The following ANKMY1 variants were observed in gnomAD, a reference collection of about 807,000 sequenced individuals.
ANKMY1 encodes the protein ankyrin repeat and MYND domain containing 1.
Under a neutral mutation model 102.0 loss-of-function variants are expected in ANKMY1, and 98 were observed. The observed-to-expected ratio is 0.96, with a 90% confidence interval of 0.82 to 1.14. ANKMY1 has a LOEUF of 1.14. Among genes scored for constraint, ANKMY1 ranks in the 50% most tolerant of loss-of-function variants. The pLI, the probability that ANKMY1 is intolerant of heterozygous loss-of-function variation, is 0.00. For missense variants in ANKMY1, 1,330 were observed against 1,347.6 expected, an observed-to-expected ratio of 0.99 and a Z score of 0.20; for synonymous variants, 582 against 559.9, an observed-to-expected ratio of 1.04 and a Z score of -0.56.
intron 4 of ANKMY1, among the ~76,000 whole-genome samples, chr2:240,539,729 G>C (rs2088114561): frequency 6.6e-6 from 1 of 152,220 alleles, no homozygotes; most frequent in East Asian, 1.9e-4. Context: ...GATGCTAAGT[G>C]TCAGATGCCA....
the ANKMY1 span, among the ~76,000 whole-genome samples, chr2:240,470,706 A>C: frequency 1.3e-5 from 2 of 152,312 alleles, no homozygotes; most frequent in African/African-American, 4.8e-5. Flanking sequence ...GAATTAAAAG[A>C]AACAGGAGGA....
chr2:240,509,752 G>A (rs2079774497), intron 11 of ANKMY1, among the ~76,000 whole-genome samples: 2 of 152,120 alleles, frequency 1.3e-5, no homozygotes, highest in Admixed American at 1.3e-4. Flanking sequence ...TGTTTTCAGA[G>A]GACAAGGGAC....
Position 240,520,433 on chromosome 2 carries a change from C to T in ANKMY1, c.1933G>A (p.Ala645Thr). 1 of 1,612,374 alleles carries T rather than the reference C, an allele frequency of 6.2e-7. No homozygotes were observed. The highest frequency in any genetic ancestry group is 8.5e-7 in the Non-Finnish European group (1 of 1,179,362). ...AGCCTCACCCCATCCACGTCCCCGG[C>T]CTTCACAGCAAGGAACAGGACCTGC... is the stretch of plus-strand genomic sequence containing the variant. The part of the protein sequence containing the change: ...PMQVLFLAVK[A>T]GDVDGVRLLL... The change falls in exon 9 of 18, where the codon GCC becomes ACC. Residue 645 changes from alanine to threonine, a missense_variant. Ala to Thr is a moderately conservative substitution (Grantham distance 58). Transcript: ENST00000401804. The surrounding 1 kb of genome is among the most constrained non-coding windows in gnomAD (Gnocchi z 4.8).
At position 240,499,922 on chromosome 2, in the gene ANKMY1, C is replaced by T. The variant is rs1249086214; in HGVS notation, c.2806+36G>A. On this transcript the variant is annotated intron_variant, in intron 15 of 17. Coordinates refer to ENST00000401804, the MANE Select transcript of ANKMY1 (RefSeq NM_001282771.3). The surrounding 1 kb of genome is among the most constrained non-coding windows in gnomAD (Gnocchi z 4.2). ...CCCAGGCACGAGGCCGGAACGCCGC[C>T]CTGTGGAGCAGAGCAGAGCAGGGCC... The T allele has an allele frequency of 3.2e-6, 5 of 1,579,214 alleles. No homozygotes were observed. Among genetic ancestry groups the T allele is most frequent in the Admixed American group, 1.7e-5 (1 of 57,602 alleles).
intron 13 of ANKMY1, among the ~76,000 whole-genome samples, chr2:240,500,917 C>T (rs2078069611): frequency 1.3e-5 from 2 of 152,256 alleles, no homozygotes; most frequent in Non-Finnish European, 2.9e-5. Flanking sequence ...ATGAGGCAGA[C>T]ACCGGGCAGC....
chr2:240,534,446 A>G (rs559016806), intron 4 of ANKMY1, among the ~76,000 whole-genome samples: 1 of 152,122 alleles, frequency 6.6e-6, no homozygotes, highest in African/African-American at 2.4e-5. Context: ...TACAAAACAT[A>G]AAAGAATTAA....
chr2:240,543,309 T>C (rs1055449732), intron 4 of ANKMY1, among the ~76,000 whole-genome samples: 3 of 150,574 alleles, frequency 2.0e-5, no homozygotes, highest in African/African-American at 7.3e-5. Context: ...GCCGAGACCG[T>C]ACCACTGCAC....
At chr2:240,532,524 G>T (rs2085675401) in intron 4 of ANKMY1, among the ~76,000 whole-genome samples, 1 of 152,144 alleles carries the variant, frequency 6.6e-6, no homozygotes, top group African/African-American at 2.4e-5. Flanking sequence ...AACACAAGAA[G>T]GAGTAAGGGC....
At chr2:240,481,797 C>T (rs2075424464) in intron 16 of ANKMY1, among the ~76,000 whole-genome samples, 1 of 152,186 alleles carries the variant, frequency 6.6e-6, no homozygotes, top group African/African-American at 2.4e-5. Context: ...GCCGCATAGC[C>T]AGCAGGCCAG....
rs1040384588 is a variant in ANKMY1, at chr2:240,520,044, C to A, written c.2004+318G>T. 9.0e-6 allele frequency: 5 copies of A among 558,628 alleles called. No individual in the cohort carries two copies. In the Admixed American group the frequency reaches 1.1e-4, roughly 12 times the overall value. 34.6% of individuals were successfully genotyped at this position (558,628 alleles called of 1,614,324 possible). On this transcript the variant is annotated intron_variant, in intron 9 of 17. Coordinates refer to ENST00000401804, the MANE Select transcript of ANKMY1 (RefSeq NM_001282771.3). This position sits in a 1 kb window ranked among gnomAD's most constrained non-coding sequence, Gnocchi z 4.8. ...TGGGTTGAAAGGAGGCCCGCCTCCT[C>A]CTGAATATAAGTCTCCCCTTTCCAA... is the stretch of plus-strand genomic sequence containing the variant.
rs551710478 is a variant in ANKMY1 at position 240,544,648 on chromosome 2, C to T, written c.480+8266G>A. Among the ~76,000 whole-genome samples the T allele has an allele frequency of 7.2e-5, 11 of 152,298 alleles. No homozygotes were observed. In the East Asian group the frequency reaches 1.4e-3, roughly 19 times the overall value. On this transcript the variant is annotated intron_variant, in intron 4 of 17. Transcript: ENST00000401804. ...GACAGTGGGCGCAGGTCAGTGGGTG[C>T]GCGCACTGTGCGCAAGCCGAAGCCG...
chr2:240,558,438 C>T (rs2092652522), upstream of ANKMY1: 1 of 152,300 alleles, frequency 6.6e-6, no homozygotes, highest in South Asian at 2.1e-4. Flanking sequence ...CCGCAAGAGT[C>T]ACCGCAGAGA....
intron 4 of ANKMY1, among the ~76,000 whole-genome samples, chr2:240,549,415 G>A (rs1244545757): frequency 2.0e-5 from 3 of 152,120 alleles, no homozygotes; most frequent in African/African-American, 7.2e-5. Flanking sequence ...AAAAACCCTA[G>A]AAGAAACCTA....
At chr2:240,537,821 T>G (rs1013486899) in intron 4 of ANKMY1, among the ~76,000 whole-genome samples, 1 of 152,250 alleles carries the variant, frequency 6.6e-6, no homozygotes, top group Non-Finnish European at 1.5e-5. Flanking sequence ...AGCCCACACC[T>G]GCGCCAATCG....
intron 17 of ANKMY1, 30 bp from the exon 18 acceptor site, chr2:240,479,685 G>T: frequency 6.2e-7 from 1 of 1,608,884 alleles, no homozygotes; most frequent in East Asian, 2.2e-5. Context: ...GGGGGAGGGG[G>T]AAGAGGGGGC....
At chr2:240,478,379 A>G (rs142624103), downstream of ANKMY1, among the ~76,000 whole-genome samples, 1 of 152,320 alleles carries the variant, frequency 6.6e-6, no homozygotes, top group African/African-American at 2.4e-5. Flanking sequence ...GTACCATCAA[A>G]TAAGTATCCA....
At chr2:240,517,580 CGGGAGGA>C (rs1559301826) in intron 9 of ANKMY1, among the ~76,000 whole-genome samples, 2 of 152,092 alleles carry the variant, frequency 1.3e-5, no homozygotes, top group African/African-American at 4.8e-5. Context: ...GAGGCCAAGG[CGGGAGGA>C]CTGCTTGAGT....
intron 5 of ANKMY1, among the ~76,000 whole-genome samples, chr2:240,528,430 C>T (rs1042695901): frequency 1.3e-5 from 2 of 152,052 alleles, no homozygotes; most frequent in Admixed American, 1.3e-4. Flanking sequence ...AAGTCAAAGG[C>T]CTGCCTGGGC....
chr2:240,551,780 A>C (rs1031752517), intron 4 of ANKMY1, among the ~76,000 whole-genome samples: 16 of 152,212 alleles, frequency 1.1e-4, no homozygotes, highest in African/African-American at 3.1e-4. Context: ...GGAACTGATA[A>C]ACAAAAAGGG....
Sources: allele counts gnomAD v4.1 joint callset (sites outside exome capture counted in the v4.1 genomes callset), GRCh38; gene constraint gnomAD v4.1.1; non-coding constraint Gnocchi (gnomAD v3.1); transcripts MANE v1.5; gene names NCBI Gene and HGNC (gene_info 2026-07-23, HGNC 2026-07-21).